DNAH2: variants seen among roughly 807,000 people sequenced by gnomAD.
DNAH2 encodes the protein axonemal beta dynein heavy chain 2.
DNAH2 carries 323 observed loss-of-function variants against 523.5 expected under a neutral mutation model. The observed-to-expected ratio is 0.62, with a 90% CI of 0.56 to 0.68. The LOEUF is 0.68. Ranked by LOEUF, DNAH2 falls within the 30% of genes least tolerant of loss-of-function variation. DNAH2 has a pLI of 0.00. For missense variants in DNAH2, 4,907 were observed against 5,701.5 expected, an observed-to-expected ratio of 0.86 and a Z score of 4.49; for synonymous variants, 2,093 against 2,177.4, an observed-to-expected ratio of 0.96 and a Z score of 1.08.
chr17:7,807,526 C>T lies in DNAH2; in HGVS notation c.9669C>T (p.Ala3223=). Residue 3223 remains alanine (A), a synonymous_variant, in exon 63 of 86, where the codon GCC becomes GCT. Coordinates refer to ENST00000572933, the MANE Select transcript of DNAH2 (RefSeq NM_020877.5). This position sits in a 1 kb window ranked among gnomAD's most constrained non-coding sequence, Gnocchi z 5.6. ...VEPKRIRMNA[A]LAQLREKQAA... ...CCAAGCGAATCCGAATGAACGCTGC[C>T]TTGGCTCAGCTTCGGGAGAAGCAAG... The T allele has an allele frequency of 3.1e-6, 5 of 1,613,432 alleles. No individual in the cohort carries two copies. Among genetic ancestry groups the T allele is most frequent in the Non-Finnish European group, 4.2e-6 (5 of 1,180,026 alleles).
Position 7,778,165 on chromosome 17 carries a change from C to T in DNAH2, c.5336C>T (p.Thr1779Ile). 2 of 1,614,124 alleles carry T rather than the reference C, an allele frequency of 1.2e-6. No homozygotes were observed. Among genetic ancestry groups the T allele is most frequent in the Non-Finnish European group, 1.7e-6 (2 of 1,180,000 alleles). Residue 1779 changes from threonine (T) to isoleucine (I), a missense_variant, in exon 34 of 86, where the codon ACC (threonine) becomes ATC (isoleucine). By Grantham distance (89) the Thr-to-Ile change is moderately conservative. Coordinates refer to ENST00000572933, the MANE Select transcript of DNAH2 (RefSeq NM_020877.5). ...YLGNSGRLVI[T>I]PLTDRCYMTL... ...GGTAACTCGGGCCGGCTCGTCATCA[C>T]CCCCCTGACGGACAGGTCTGCCATG...
At position 7,779,293 on chromosome 17, in the gene DNAH2, G is replaced by A. The variant is rs1239588757; in HGVS notation, c.5592G>A (p.Val1864=). ...AGTTTAACCGCATCAACATCGAGGT[G>A]CTGTCAGTGGTGGCCCACCAGATCC... ...FDEFNRINIE[V]LSVVAHQILC... Residue 1864 remains valine, a synonymous_variant, in exon 36 of 86, where the codon GTG becomes GTA. Transcript: ENST00000572933. 1.2e-6 allele frequency: 2 copies of A among 1,614,162 alleles called. No individual in the cohort carries two copies. The highest frequency in any genetic ancestry group is 3.3e-5 in the Admixed American group (2 of 60,032).
intron 33 of DNAH2, 73 bp downstream of exon 33, chr17:7,777,707 G>A (rs1597625080): frequency 1.3e-6 from 2 of 1,565,774 alleles, no homozygotes; most frequent in East Asian, 2.2e-5. Context: ...TCCATGTTCT[G>A]TAAATGCAAG....
At chr17:7,741,637 C>T (rs1185302963) in intron 11 of DNAH2, among the ~76,000 whole-genome samples, 1 of 151,486 alleles carries the variant, frequency 6.6e-6, no homozygotes, top group Admixed American at 6.6e-5. Flanking sequence ...GGATTACAGG[C>T]GTGAGCCACC....
chr17:7,788,133 G>C lies in DNAH2; in HGVS notation c.6789G>C (p.Lys2263Asn). ...LQRMFEKLINKMLAFKKDNCK... is the reference protein window; with the variant it reads ...LQRMFEKLINNMLAFKKDNCK... The stretch of plus-strand genomic sequence containing the variant: ...GCATGTTCGAAAAGCTCATCAACAA[G>C]ATGCTGGCCTTTAAGAAGGACAACT... Residue 2263 changes from lysine (K) to asparagine (N), a missense_variant, in exon 44 of 86, where the codon AAG (lysine) becomes AAC (asparagine). Transcript: ENST00000572933. The C allele has an allele frequency of 1.9e-6, 3 of 1,614,238 alleles. No homozygotes were observed. The highest frequency in any genetic ancestry group is 1.7e-6 in the Non-Finnish European group (2 of 1,180,038).
At chr17:7,763,780 G>T in intron 18 of DNAH2, 51 bp from the exon 19 acceptor site, 3 of 1,606,726 alleles carry the variant, frequency 1.9e-6, no homozygotes, top group Non-Finnish European at 2.6e-6. Flanking sequence ...GGGACAGAGG[G>T]TATGTCTGCA....
chr17:7,797,572 G>A, intron 52 of DNAH2, 42 bp downstream of exon 52: 2 of 1,614,072 alleles, frequency 1.2e-6, no homozygotes. Flanking sequence ...GACACTCTTA[G>A]AACATCGGGG....
At chr17:7,792,434 C>G in intron 46 of DNAH2, 91 bp downstream of exon 46, 2 of 1,348,214 alleles carry the variant, frequency 1.5e-6, no homozygotes, top group Non-Finnish European at 2.1e-6. Context: ...CAAAAATGAG[C>G]AATAGGAAGG....
intron 28 of DNAH2, among the ~76,000 whole-genome samples, chr17:7,772,700 T>A (rs571652227): frequency 6.6e-6 from 1 of 152,340 alleles, no homozygotes; most frequent in East Asian, 1.9e-4. Flanking sequence ...GAAACTAACA[T>A]TATTGAGAAG....
rs745655248 is a variant in DNAH2, at chr17:7,766,428, G to A, written c.3622G>A (p.Gly1208Ser). The A allele has an allele frequency of 6.2e-7, 1 of 1,613,926 alleles. No homozygotes were observed. Among genetic ancestry groups the A allele is most frequent in the Non-Finnish European group, 8.5e-7 (1 of 1,179,958 alleles). ...GGAAAATAGTCTCCGAGCCAACCTGGGCATCTTCAAGATCGAGCAGCCACC... is the reference window on the plus strand; with the variant it reads ...GGAAAATAGTCTCCGAGCCAACCTGAGCATCTTCAAGATCGAGCAGCCACC... Reference protein sequence around the residue: ...EEENSLRANLGIFKIEQPPSK... With the variant: ...EEENSLRANLSIFKIEQPPSK... The change falls in exon 22 of 86, where the codon GGC becomes AGC. Residue 1208 changes from glycine (G) to serine (S), a missense_variant. Gly to Ser is a moderately conservative substitution (Grantham distance 56, BLOSUM62 0). Around this residue, in one of 3 missense-constraint regions of DNAH2, gnomAD observed 2,806 missense variants for 3,190.8 expected, o/e 0.88. Transcript: ENST00000572933.
intron 59 of DNAH2, 57 bp downstream of exon 59, chr17:7,804,523 T>G (rs2077312961): frequency 6.3e-7 from 1 of 1,576,950 alleles, no homozygotes; most frequent in East Asian, 2.3e-5. Flanking sequence ...GGCTACTGCG[T>G]CAGGGAACCC....
rs763448140 is a variant in DNAH2 at position 7,737,116 on chromosome 17, A to G, written c.1028A>G (p.Lys343Arg). 8.7e-6 allele frequency: 14 copies of G among 1,614,058 alleles called. No individual in the cohort carries two copies. In the East Asian group the frequency reaches 3.1e-4, roughly 36 times the overall value. Residue 343 changes from lysine to arginine, a missense_variant, in exon 8 of 86, where the codon AAG (lysine) becomes AGG (arginine). Transcript: ENST00000572933. ...AACCTGACCTTTTTGTCAATCCTGA[A>G]GGAACCTTACCAGGAGTTGGCTTTC... ...QSNLTFLSILKEPYQELAFMK... is the reference protein window; with the variant it reads ...QSNLTFLSILREPYQELAFMK...
In DNAH2 at chr17:7,749,314, A is replaced by C. The variant is rs1567636741; in HGVS notation, c.1904+6172A>C. ...CAAGAGCTAAACTCCCCCCCAAAAA[A>C]AAAAAAAAAAAAAAAAAAAAAAAAA... On this transcript the variant is annotated intron_variant, in intron 12 of 85. Coordinates refer to ENST00000572933, the MANE Select transcript of DNAH2 (RefSeq NM_020877.5). Among the ~76,000 whole-genome samples the C allele has an allele frequency of 8.3e-4, 73 of 87,618 alleles. 2 individuals are homozygous for C. The highest frequency in any genetic ancestry group is 4.1e-3 in the African/African-American group (32 of 7,830). 57.5% of individuals were successfully genotyped at this position (87,618 alleles called of 152,430 possible).
chr17:7,753,745 C>T (rs959568409), intron 12 of DNAH2, among the ~76,000 whole-genome samples: 1 of 151,992 alleles, frequency 6.6e-6, no homozygotes, highest in African/African-American at 2.4e-5. Flanking sequence ...GTCAGGAGTT[C>T]GAGACCAGCC....
rs2077136080 is a variant in DNAH2 at position 7,798,665 on chromosome 17, A to G, written c.8506A>G (p.Ile2836Val). Reference protein sequence around the residue: ...DESFLEDINNILSSGEVPNLY... With the variant: ...DESFLEDINNVLSSGEVPNLY... ...GTCCTTCCTAGAGGACATCAACAAC[A>G]TCCTCAGCTCAGGCGAGGTGCCCAA... Residue 2836 changes from isoleucine to valine, a missense_variant, in exon 55 of 86, where the codon ATC (isoleucine) becomes GTC (valine). By Grantham distance (29) the Ile-to-Val change is conservative. Coordinates refer to ENST00000572933, the MANE Select transcript of DNAH2 (RefSeq NM_020877.5). This position sits in a 1 kb window ranked among gnomAD's most constrained non-coding sequence, Gnocchi z 5.5. 2 of 1,614,016 alleles carry G rather than the reference A, an allele frequency of 1.2e-6. No individual in the cohort carries two copies. Among genetic ancestry groups the G allele is most frequent in the Non-Finnish European group, 1.7e-6 (2 of 1,180,038 alleles).
rs770900346 is a variant in DNAH2 at position 7,771,572 on chromosome 17, C to T, written c.4501+104C>T. 114 of 1,265,716 alleles carry T rather than the reference C, an allele frequency of 9.0e-5. No individual in the cohort carries two copies. In the Admixed American group the frequency reaches 9.5e-4, roughly 11 times the overall value. The allele number at this position is 1,265,716 out of a possible 1,614,324, so 78.4% of individuals were successfully genotyped here. A position where few individuals can be genotyped will look rare whatever the true frequency, so the allele number is the denominator to read the frequency against. On this transcript the variant is annotated intron_variant, in intron 28 of 85. Transcript: ENST00000572933. ...AAAAAGACTGATGCCCCCAGCTCTC[C>T]TAACATTTCCCATCTCCATCACCTC... is the stretch of plus-strand genomic sequence containing the variant.
chr17:7,731,559 T>C (rs958532576), intron 4 of DNAH2, among the ~76,000 whole-genome samples: 1 of 152,114 alleles, frequency 6.6e-6, no homozygotes, highest in Non-Finnish European at 1.5e-5. Context: ...TATATGTATA[T>C]AGCTATAGAA....
chr17:7,756,951 G>T (rs532219772), intron 12 of DNAH2, 140 bp from the exon 13 acceptor site: 370 of 1,286,086 alleles, frequency 2.9e-4, no homozygotes, highest in Admixed American at 4.0e-4. Context: ...GATTACAGGC[G>T]TGAGCCACCA....
intron 4 of DNAH2, 108 bp from the exon 5 acceptor site, chr17:7,732,979 G>A: frequency 1.9e-6 from 2 of 1,037,350 alleles, no homozygotes; most frequent in Non-Finnish European, 2.8e-6. Context: ...ATTTAGAGAA[G>A]GATCAGGATA....
Sources: gnomAD v4.1 joint callset for allele counts (sites outside exome capture counted in the v4.1 genomes callset) on GRCh38, gnomAD v4.1.1 for gene constraint, gnomAD v4.1.1 regional missense constraint, Gnocchi (gnomAD v3.1) non-coding constraint, MANE v1.5 for transcripts, NCBI Gene and HGNC (gene_info 2026-07-23, HGNC 2026-07-21) for gene names.